Variants in IGSF3 observed in about 807,000 individuals in gnomAD.
IGSF3 encodes immunoglobulin superfamily member 3.
Under a neutral mutation model 114.4 loss-of-function variants are expected in IGSF3, and 23 were observed. The observed-to-expected ratio is 0.20, with a 90% CI of 0.14 to 0.28. IGSF3 has a LOEUF of 0.28. IGSF3 is among the 10% of genes least tolerant of loss of function. The pLI is 1.00. For missense variants in IGSF3, 1,172 were observed against 1,591.5 expected (o/e 0.74, Z 4.48); for synonymous variants, 571 against 645.2 (o/e 0.88, Z 1.74).
intron 6 of IGSF3, among the ~76,000 whole-genome samples, chr1:116,601,864 G>C (rs947387993): frequency 1.8e-4 from 27 of 151,946 alleles, no homozygotes; most frequent in Non-Finnish European, 3.5e-4. Flanking sequence ...ACCCACACCA[G>C]GTGCTCCTGG....
intron 7 of IGSF3, 65 bp downstream of exon 7, chr1:116,599,876 T>C: frequency 6.7e-7 from 1 of 1,482,300 alleles, no homozygotes; most frequent in East Asian, 2.3e-5. Context: ...CACGCACACC[T>C]TTCTTTTTCC....
In IGSF3 at chr1:116,618,392, A is replaced by G. The variant is rs1188220005; in HGVS notation, c.44-1935T>C. ...TGCATAACATTTTTACTATATGTAC[A>G]GTCATGCACTGAATAACATTTCAAT... On this transcript the variant is annotated intron_variant, in intron 2 of 10. Coordinates refer to ENST00000369486, the MANE Select transcript of IGSF3 (RefSeq NM_001007237.3). This position sits in a 1 kb window ranked among gnomAD's most constrained non-coding sequence, Gnocchi z 4.7. Among the ~76,000 whole-genome samples, 4 of 152,248 alleles carry G rather than the reference A, an allele frequency of 2.6e-5. No homozygotes were observed. The highest frequency in any genetic ancestry group is 6.5e-5 in the Admixed American group (1 of 15,286).
Position 116,666,579 on chromosome 1 carries a change from C to G in IGSF3, c.-253G>C. On this transcript the variant is annotated 5_prime_UTR_variant, in exon 2 of 11. Transcript: ENST00000369486. ...AACAATTCGGAAGTCGCTCCCGGCT[C>G]CTGCCACATCGTGTGCCTTGCAGTT... The G allele has an allele frequency of 1.7e-6, 1 of 599,978 alleles. No individual in the cohort carries two copies. The highest frequency in any genetic ancestry group is 3.0e-6 in the Non-Finnish European group (1 of 337,864). 37.2% of individuals were successfully genotyped at this position (599,978 alleles called of 1,614,324 possible).
upstream of IGSF3, chr1:116,667,747 AG>A (rs1166647909): frequency 1.3e-5 from 2 of 151,230 alleles, no homozygotes; most frequent in African/African-American, 4.9e-5. Context: ...GCCCCTCCCG[AG>A]TCCCCGCCCC....
In IGSF3 at chr1:116,665,339, CT is replaced by C. The variant is rs1649285690; in HGVS notation, c.43+944del. Among the ~76,000 whole-genome samples, 1 of 152,220 alleles carries C rather than the reference CT, an allele frequency of 6.6e-6. No homozygotes were observed. The highest frequency in any genetic ancestry group is 2.4e-5 in the African/African-American group (1 of 41,458). On this transcript the variant is annotated intron_variant, in intron 2 of 10. Coordinates refer to ENST00000369486, the MANE Select transcript of IGSF3 (RefSeq NM_001007237.3). This position sits in a 1 kb window ranked among gnomAD's most constrained non-coding sequence, Gnocchi z 4.0. ...CTGTAGGCAACAATCATAATCCCTT[CT>C]GAATGCAGAGGACCGAGCCTTACAG...
rs1217570007 is a variant in IGSF3 at position 116,598,908 on chromosome 1, T to C, written c.2029+1033A>G. Among the ~76,000 whole-genome samples, 1 of 151,904 alleles carries C rather than the reference T, an allele frequency of 6.6e-6. No individual in the cohort carries two copies. Among genetic ancestry groups the C allele is most frequent in the Non-Finnish European group, 1.5e-5 (1 of 67,946 alleles). ...CTGAAGAGCCTGATGAAGGCGAGAGTGTTTGCAGAAAGCCCCACTGACTAA... is the reference window on the plus strand; with the variant it reads ...CTGAAGAGCCTGATGAAGGCGAGAGCGTTTGCAGAAAGCCCCACTGACTAA... On this transcript the variant is annotated intron_variant, in intron 7 of 10. Coordinates refer to ENST00000369486, the MANE Select transcript of IGSF3 (RefSeq NM_001007237.3). The surrounding 1 kb of genome is among the most constrained non-coding windows in gnomAD (Gnocchi z 4.3).
At chr1:116,641,552 A>AAGAC (rs1306665955) in intron 2 of IGSF3, among the ~76,000 whole-genome samples, 4 of 102,862 alleles carry the variant, frequency 3.9e-5, no homozygotes, top group African/African-American at 1.1e-4. Context: ...AAGAAAGAAA[A>AAGAC]AGAAAGAAGG....
Position 116,577,153 on chromosome 1 carries a change from T to C in IGSF3, c.*159A>G. On this transcript the variant is annotated 3_prime_UTR_variant, in exon 11 of 11. Coordinates refer to ENST00000369486, the MANE Select transcript of IGSF3 (RefSeq NM_001007237.3). This position sits in a 1 kb window ranked among gnomAD's most constrained non-coding sequence, Gnocchi z 5.7. ...AACCAAGACTGCCACCGAGAGGCAGTCTGTCTCTGTGACTGACTGGGAACT... is the reference window on the plus strand; with the variant it reads ...AACCAAGACTGCCACCGAGAGGCAGCCTGTCTCTGTGACTGACTGGGAACT... 1 of 723,450 alleles carries C rather than the reference T, an allele frequency of 1.4e-6. No individual in the cohort carries two copies. The allele number at this position is 723,450 out of a possible 1,614,324, so 44.8% of individuals were successfully genotyped here. A position where few individuals can be genotyped will look rare whatever the true frequency, so the allele number is the denominator to read the frequency against.
At chr1:116,667,526 C>T (rs1406696411) in intron 1 of IGSF3, 92 bp downstream of exon 1, 1 of 147,438 alleles carries the variant, frequency 6.8e-6, no homozygotes, top group Non-Finnish European at 1.5e-5. Context: ...GCCCGCTCCC[C>T]ACTCCCCGCT....
At chr1:116,663,788 A>C (rs970386341) in intron 2 of IGSF3, among the ~76,000 whole-genome samples, 1 of 152,046 alleles carries the variant, frequency 6.6e-6, no homozygotes, top group Non-Finnish European at 1.5e-5. Flanking sequence ...TTTCTAACTA[A>C]AATTGCCATT....
chr1:116,620,973 T>C (rs1661397130), intron 2 of IGSF3, among the ~76,000 whole-genome samples: 1 of 152,210 alleles, frequency 6.6e-6, no homozygotes, highest in Non-Finnish European at 1.5e-5. Flanking sequence ...AAATCTCATG[T>C]TCAATTATAA....
Position 116,588,746 on chromosome 1 carries a change from G to A in IGSF3, c.2388C>T (p.Tyr796=). The change falls in exon 8 of 11, where the codon TAC becomes TAT. Residue 796 remains tyrosine, a synonymous_variant. Transcript: ENST00000369486. This position sits in a 1 kb window ranked among gnomAD's most constrained non-coding sequence, Gnocchi z 4.9. Reference sequence around the variant, plus strand: ...GCCCAGAAACCTCCTCTGCCAGCTTGTACCAGGCGTAGTTGGGGCTCAGCA... The same window carrying A: ...GCCCAGAAACCTCCTCTGCCAGCTTATACCAGGCGTAGTTGGGGCTCAGCA... ...EWLLSPNYAW[Y]KLAEEVSGRT... The A allele has an allele frequency of 6.2e-7, 1 of 1,613,860 alleles. No individual in the cohort carries two copies. The highest frequency in any genetic ancestry group is 8.5e-7 in the Non-Finnish European group (1 of 1,179,876).
rs1346206885 is a variant in IGSF3 at position 116,624,830 on chromosome 1, A to T, written c.44-8373T>A. On this transcript the variant is annotated intron_variant, in intron 2 of 10. Transcript: ENST00000369486. The surrounding 1 kb of genome is among the most constrained non-coding windows in gnomAD (Gnocchi z 4.9). Reference sequence around the variant, plus strand: ...CTGAGGCCATGCTGTGAGGGGGCCCAAGGCACATGGAGAGGCCCTGGGCAG... The same window carrying T: ...CTGAGGCCATGCTGTGAGGGGGCCCTAGGCACATGGAGAGGCCCTGGGCAG... Among the ~76,000 whole-genome samples, 1 of 152,194 alleles carries T rather than the reference A, an allele frequency of 6.6e-6. No homozygotes were observed. Among genetic ancestry groups the T allele is most frequent in the Non-Finnish European group, 1.5e-5 (1 of 68,034 alleles).
intron 2 of IGSF3, chr1:116,617,214 GA>G (rs1294512919): frequency 1.2e-6 from 1 of 858,474 alleles, no homozygotes; most frequent in African/African-American, 1.8e-5. Context: ...TCCCACTCAA[GA>G]CTCCCCCGCT....
In IGSF3 at chr1:116,577,684, G is replaced by T; in HGVS notation, c.3335-122C>A. On this transcript the variant is annotated intron_variant, in intron 10 of 10. Coordinates refer to ENST00000369486, the MANE Select transcript of IGSF3 (RefSeq NM_001007237.3). This position sits in a 1 kb window ranked among gnomAD's most constrained non-coding sequence, Gnocchi z 5.7. ...CTCGGTGACACTCCCACACCACCTT[G>T]TCTTTCCCCTGCTACCATTAATGGT... The T allele has an allele frequency of 1.2e-6, 1 of 821,844 alleles. No homozygotes were observed. Among genetic ancestry groups the T allele is most frequent in the Non-Finnish European group, 1.9e-6 (1 of 514,766 alleles). The allele number at this position is 821,844 out of a possible 1,614,324, so 50.9% of individuals were successfully genotyped here.
At chr1:116,659,788 T>C (rs1649035092) in intron 2 of IGSF3, among the ~76,000 whole-genome samples, 2 of 152,184 alleles carry the variant, frequency 1.3e-5, no homozygotes, top group African/African-American at 4.8e-5. Context: ...GCTAATGTTT[T>C]TGATTTTTAG....
rs1024502471 is a variant in IGSF3 at position 116,588,156 on chromosome 1, A to C, written c.2440+538T>G. Among the ~76,000 whole-genome samples, 2 of 152,140 alleles carry C rather than the reference A, an allele frequency of 1.3e-5. No homozygotes were observed. Among genetic ancestry groups the C allele is most frequent in the Non-Finnish European group, 2.9e-5 (2 of 68,008 alleles). ...AGCATTCTGGCAGAGGTTGAGTGCC[A>C]CCTGTGAGGGAGAGGAATAAGGGCT... On this transcript the variant is annotated intron_variant, in intron 8 of 10. Transcript: ENST00000369486. This position sits in a 1 kb window ranked among gnomAD's most constrained non-coding sequence, Gnocchi z 4.9.
rs762445228 is a variant in IGSF3, at chr1:116,616,218, T to A, written c.283A>T (p.Ile95Leu). Reference protein sequence around the residue: ...TQRVRGGKIFIERVQGNSTLL... With the variant: ...TQRVRGGKIFLERVQGNSTLL... ...GTTGAGTTCCCCTGGACTCTTTCTA[T>A]GAAGATCTTCCCTCCGCGGACGCGC... is the stretch of plus-strand genomic sequence containing the variant. The change falls in exon 3 of 11, where the codon ATA becomes TTA. Residue 95 changes from isoleucine to leucine, a missense_variant. By Grantham distance (5) the Ile-to-Leu change is conservative. Around this residue, in one of 3 missense-constraint regions of IGSF3, gnomAD observed 736 missense variants for 1,042.0 expected, o/e 0.71. Coordinates refer to ENST00000369486, the MANE Select transcript of IGSF3 (RefSeq NM_001007237.3). This position sits in a 1 kb window ranked among gnomAD's most constrained non-coding sequence, Gnocchi z 6.6. 3 of 1,613,922 alleles carry A rather than the reference T, an allele frequency of 1.9e-6. No homozygotes were observed. Among genetic ancestry groups the A allele is most frequent in the African/African-American group, 1.3e-5 (1 of 75,056 alleles).
intron 5 of IGSF3, 45 bp from the exon 6 acceptor site, chr1:116,604,070 C>T (rs1660704589): frequency 6.9e-7 from 1 of 1,444,410 alleles, no homozygotes; most frequent in Non-Finnish European, 9.3e-7. Context: ...TTATGGTCTC[C>T]ACAGCGCCCT....
Sources: gnomAD v4.1 joint callset for allele counts (sites outside exome capture counted in the v4.1 genomes callset) on GRCh38, gnomAD v4.1.1 for gene constraint, gnomAD v4.1.1 regional missense constraint, Gnocchi (gnomAD v3.1) non-coding constraint, MANE v1.5 for transcripts, NCBI Gene and HGNC (gene_info 2026-07-23, HGNC 2026-07-21) for gene names.